The following COL26A1 variants were observed in gnomAD, a reference collection of about 807,000 sequenced individuals.
COL26A1 encodes collagen type XXVI alpha 1 chain.
COL26A1 carries 41 observed loss-of-function variants against 59.3 expected under a neutral mutation model. The observed-to-expected ratio is 0.69, with a 90% CI of 0.54 to 0.90. The LOEUF is 0.90. Among genes scored for constraint, COL26A1 ranks in the 40% least tolerant of loss-of-function variants. The pLI is 0.00. For missense variants in COL26A1, 612 were observed against 602.3 expected (o/e 1.02, Z -0.17); for synonymous variants, 266 against 256.0 (o/e 1.04, Z -0.37).
chr7:101,437,373 TG>T (rs1166124757), intron 2 of COL26A1, among the ~76,000 whole-genome samples: 1 of 114,744 alleles, frequency 8.7e-6, no homozygotes, highest in Non-Finnish European at 1.8e-5. Context: ...GAGTCCTGAA[TG>T]GGGGCGGAGT....
At chr7:101,455,879 T>C (rs1793458939) in intron 3 of COL26A1, among the ~76,000 whole-genome samples, 1 of 151,846 alleles carries the variant, frequency 6.6e-6, no homozygotes. Context: ...AGAGACGAGG[T>C]TTTACCATGT....
At position 101,480,823 on chromosome 7, in the gene COL26A1, C is replaced by T. The variant is rs187287586; in HGVS notation, c.385+33036C>T. Among the ~76,000 whole-genome samples the T allele has an allele frequency of 4.6e-5, 7 of 152,198 alleles. No homozygotes were observed. The East Asian group carries it at 1.2e-3, about 25-fold the overall frequency. On this transcript the variant is annotated intron_variant, in intron 3 of 12. Coordinates refer to ENST00000313669, the MANE Select transcript of COL26A1 (RefSeq NM_001278563.3). Reference sequence around the variant, plus strand: ...TGGCCTTCCCTGGTGCTTTTATTTCCTCTCTCATTGTTGCTTGTTTCCTTG... The same window carrying T: ...TGGCCTTCCCTGGTGCTTTTATTTCTTCTCTCATTGTTGCTTGTTTCCTTG...
chr7:101,489,833 T>C lies in COL26A1; in HGVS notation c.385+42046T>C, dbSNP rs1407186314. 1.8e-4 allele frequency among the ~76,000 whole-genome samples: 3 copies of C among 16,332 alleles called. 1 individual carries two copies. The highest frequency in any genetic ancestry group is 0.017 in the Middle Eastern group (1 of 60). The allele number at this position is 16,332 out of a possible 152,430, so 10.7% of individuals were successfully genotyped here. The stretch of plus-strand genomic sequence containing the variant: ...TTCTTTCTTTCTTTCTTTCTTTCTT[T>C]CTTTCTTTCTTTCTTTCTTTCTTTC... On this transcript the variant is annotated intron_variant, in intron 3 of 12. Transcript: ENST00000313669.
At chr7:101,463,024 G>A (rs1793651791) in intron 3 of COL26A1, among the ~76,000 whole-genome samples, 1 of 152,216 alleles carries the variant, frequency 6.6e-6, no homozygotes, top group Non-Finnish European at 1.5e-5. Context: ...GGCAAGGACA[G>A]GCCATGATTG....
At position 101,364,810 on chromosome 7, in the gene COL26A1, TC is replaced by T. The variant is rs371716583; in HGVS notation, c.158+1622del. 3.7e-3 allele frequency among the ~76,000 whole-genome samples: 560 copies of T among 152,298 alleles called. 2 individuals are homozygous for T. Among genetic ancestry groups the T allele is most frequent in the African/African-American group, 0.013 (538 of 41,584 alleles). On this transcript the variant is annotated intron_variant, in intron 1 of 12. Coordinates refer to ENST00000313669, the MANE Select transcript of COL26A1 (RefSeq NM_001278563.3). ...GTCTCAAACTTCTGGCCTCAAGAGA[TC>T]CTCCTGCCTCGGCCTCCCAAAATGC...
intron 3 of COL26A1, among the ~76,000 whole-genome samples, chr7:101,488,349 AATATATAT>A (rs368433793): frequency 2.9e-5 from 3 of 104,972 alleles, no homozygotes; most frequent in African/African-American, 1.2e-4. Flanking sequence ...AATTTTATTT[AATATATAT>A]ATATATATAT....
intron 4 of COL26A1, among the ~76,000 whole-genome samples, chr7:101,535,059 T>G (rs992584627): frequency 1.3e-5 from 2 of 152,332 alleles, no homozygotes; most frequent in Admixed American, 1.3e-4. Flanking sequence ...CCCCACGGCA[T>G]GCATTCGCGG....
At chr7:101,473,643 CACACACACACAA>C (rs1176327447) in intron 3 of COL26A1, among the ~76,000 whole-genome samples, 177 of 137,628 alleles carry the variant, frequency 1.3e-3, no homozygotes, top group African/African-American at 4.8e-3. Context: ...CACACACACA[CACACACACACAA>C]ACACACACAA....
At chr7:101,505,198 C>T (rs1202582334) in intron 3 of COL26A1, among the ~76,000 whole-genome samples, 2 of 135,416 alleles carry the variant, frequency 1.5e-5, no homozygotes, top group Admixed American at 7.3e-5. Flanking sequence ...TGGGTGTGCC[C>T]GTGTATGTGA....
At chr7:101,427,371 A>T (rs922431342) in intron 2 of COL26A1, among the ~76,000 whole-genome samples, 2 of 151,596 alleles carry the variant, frequency 1.3e-5, no homozygotes, top group South Asian at 2.1e-4. Context: ...TTAATTAAAA[A>T]TTTTTTTTGG....
rs149435410 is a variant in COL26A1, at chr7:101,398,224, A to G, written c.159-21753A>G. On this transcript the variant is annotated intron_variant, in intron 1 of 12. Coordinates refer to ENST00000313669, the MANE Select transcript of COL26A1 (RefSeq NM_001278563.3). ...TTCTGGATTGTTTTTCACTGTATCT[A>G]TTTTACAATCTATTGGAGAATATGA... 8.5e-5 allele frequency among the ~76,000 whole-genome samples: 13 copies of G among 152,168 alleles called. No individual in the cohort carries two copies. The East Asian group carries it at 2.1e-3, about 25-fold the overall frequency.
At chr7:101,404,780 T>A (rs1792088552) in intron 1 of COL26A1, among the ~76,000 whole-genome samples, 1 of 152,128 alleles carries the variant, frequency 6.6e-6, no homozygotes, top group African/African-American at 2.4e-5. Context: ...TACGCGCCTG[T>A]GGTTCCAGCT....
chr7:101,467,217 A>G (rs4729717), intron 3 of COL26A1, among the ~76,000 whole-genome samples: 58,828 of 151,652 alleles, frequency 0.39, 11,592 homozygotes, highest in African/African-American at 0.4. Flanking sequence ...CGCCAGGGAA[A>G]TCAAAGACAT....
chr7:101,455,599 C>A (rs751932298), intron 3 of COL26A1, among the ~76,000 whole-genome samples: 7 of 150,476 alleles, frequency 4.7e-5, no homozygotes, highest in Non-Finnish European at 1.0e-4. Flanking sequence ...GCCTCCCAGG[C>A]TCAAGCGATT....
At chr7:101,425,102 T>TAACTACTCAGGAGACTGAGGCAGGAGAA (rs1554408982) in intron 2 of COL26A1, among the ~76,000 whole-genome samples, 3 of 151,648 alleles carry the variant, frequency 2.0e-5, no homozygotes, top group Non-Finnish European at 2.9e-5. Flanking sequence ...TAAAAAAAAT[T>TAACTACTCAGGAGACTGAGGCAGGAGAA]TTGGCCAGGC....
rs530591818 is a variant in COL26A1 at position 101,402,619 on chromosome 7, CTCTT to C, written c.159-17350_159-17347del. On this transcript the variant is annotated intron_variant, in intron 1 of 12. Transcript: ENST00000313669. ...CTTCCTTCTTTCCTTTCTTCTCTTT[CTCTT>C]TCTTTCTCCCCTCCCCTCCCTCCCT... 6.8e-3 allele frequency among the ~76,000 whole-genome samples: 937 copies of C among 138,166 alleles called. 13 individuals are homozygous for C. Among genetic ancestry groups the C allele is most frequent in the African/African-American group, 0.024 (898 of 36,756 alleles). 90.6% of individuals were successfully genotyped at this position (138,166 alleles called of 152,430 possible).
At position 101,449,253 on chromosome 7, in the gene COL26A1, G is replaced by A. The variant is rs190656582; in HGVS notation, c.385+1466G>A. On this transcript the variant is annotated intron_variant, in intron 3 of 12. Transcript: ENST00000313669. ...AATGCTATGGTGTTGAACGACCACA[G>A]CTCACAGGTCCCTCATGGAGGCCTG... 2.0e-5 allele frequency among the ~76,000 whole-genome samples: 3 copies of A among 152,312 alleles called. No homozygotes were observed. In the East Asian group the frequency reaches 5.8e-4, roughly 29 times the overall value.
At chr7:101,463,498 T>TTTCCCTTCCC (rs199545397) in intron 3 of COL26A1, among the ~76,000 whole-genome samples, 1 of 128,176 alleles carries the variant, frequency 7.8e-6, no homozygotes, top group Non-Finnish European at 1.6e-5. Flanking sequence ...CCTCCCCTCC[T>TTTCCCTTCCC]TTCCCTTCCC....
At position 101,509,751 on chromosome 7, in the gene COL26A1, G is replaced by A. The variant is rs375641805; in HGVS notation, c.386-23331G>A. Among the ~76,000 whole-genome samples the A allele has an allele frequency of 4.9e-4, 75 of 151,738 alleles. 1 individual carries two copies. The East Asian group carries it at 0.011, about 23-fold the overall frequency. ...GGGGCTCTTTTATTTTTTTTTTGAC[G>A]GGGCCTCACTCTGTCACCTAGGCTG... On this transcript the variant is annotated intron_variant, in intron 3 of 12. Transcript: ENST00000313669.
Sources: gnomAD v4.1 joint callset for allele counts (sites outside exome capture counted in the v4.1 genomes callset) on GRCh38, gnomAD v4.1.1 for gene constraint, MANE v1.5 for transcripts, NCBI Gene and HGNC (gene_info 2026-07-23, HGNC 2026-07-21) for gene names.